The following PCDHA9 variants were observed in gnomAD, a reference collection of about 807,000 sequenced individuals.
The protein encoded by PCDHA9 is protocadherin alpha-9.
PCDHA9 carries 62 observed loss-of-function variants against 62.0 expected under a neutral mutation model. That is an observed-to-expected ratio of 1.00 (90% confidence interval 0.81 to 1.23). PCDHA9 has a LOEUF of 1.23. Ranked by LOEUF, PCDHA9 falls within the 50% of genes most tolerant of loss-of-function variation. The probability of loss-of-function intolerance (pLI) is 0.00; values close to 1 mark genes in which losing one functional copy is unlikely to be tolerated. For synonymous variants in PCDHA9, 557 were observed against 567.6 expected, an observed-to-expected ratio of 0.98 and a Z score of 0.27; for missense variants, 1,205 against 1,249.8, an observed-to-expected ratio of 0.96 and a Z score of 0.54.
At chr5:140,962,803 T>C (rs2095709614) in intron 1 of PCDHA9, among the ~76,000 whole-genome samples, 1 of 152,240 alleles carries the variant, frequency 6.6e-6, no homozygotes. Context: ...TGGACAACTC[T>C]AAACATCAGA....
At chr5:140,874,647 G>T (rs2055047919) in intron 1 of PCDHA9, among the ~76,000 whole-genome samples, 1 of 152,200 alleles carries the variant, frequency 6.6e-6, no homozygotes, top group Non-Finnish European at 1.5e-5. Context: ...ACTTTTGCTA[G>T]AGTAAAACTT....
At chr5:141,006,328 C>CA (rs1258327155) in intron 3 of PCDHA9, among the ~76,000 whole-genome samples, 12 of 152,060 alleles carry the variant, frequency 7.9e-5, no homozygotes, top group Non-Finnish European at 1.6e-4. Flanking sequence ...TCTCCTGCCT[C>CA]AGCCTCCTGA....
rs1050286921 is a variant in PCDHA9, at chr5:140,879,863, C to G, written c.2394+28974C>G. Among the ~76,000 whole-genome samples, 24 of 152,218 alleles carry G rather than the reference C, an allele frequency of 1.6e-4. 1 individual carries two copies. Among genetic ancestry groups the G allele is most frequent in the Non-Finnish European group, 5.9e-5 (4 of 68,034 alleles). Reference sequence around the variant, plus strand: ...ACCACTCCCATCTCAGCCTTCTCAGCTTTCATGGTCACATTGCCTCCTCCT... The same window carrying G: ...ACCACTCCCATCTCAGCCTTCTCAGGTTTCATGGTCACATTGCCTCCTCCT... On this transcript the variant is annotated intron_variant, in intron 1 of 3. Coordinates refer to ENST00000532602, the MANE Select transcript of PCDHA9 (RefSeq NM_031857.2).
chr5:140,870,253 G>A (rs782678686), intron 1 of PCDHA9: 2 of 1,614,196 alleles, frequency 1.2e-6, no homozygotes, highest in Non-Finnish European at 1.7e-6. Flanking sequence ...CAACGGACAG[G>A]TGACCTGCTC....
chr5:140,941,255 C>CTTTCTTTCTTTCTTTCTTTCTT (rs782490896), intron 1 of PCDHA9, among the ~76,000 whole-genome samples: 2 of 44,508 alleles, frequency 4.5e-5, no homozygotes, highest in African/African-American at 1.4e-4. Context: ...TTCTTTCTTT[C>CTTTCTTTCTTTCTTTCTTTCTT]TCTTTCTTTC....
At chr5:140,928,676 G>A in intron 1 of PCDHA9, 2 of 1,614,166 alleles carry the variant, frequency 1.2e-6, no homozygotes, top group East Asian at 2.2e-5. Context: ...TCTAATGCCT[G>A]GCTTTCCTAC....
At position 140,938,754 on chromosome 5, in the gene PCDHA9, A is replaced by G. The variant is rs79400957; in HGVS notation, c.2395-40195A>G. Among the ~76,000 whole-genome samples the G allele has an allele frequency of 2.9e-3, 442 of 152,274 alleles. 1 individual carries two copies. Among genetic ancestry groups the G allele is most frequent in the African/African-American group, 0.01 (423 of 41,554 alleles). The stretch of plus-strand genomic sequence containing the variant: ...AAAAAATAATTATTTTTAAAGGCAT[A>G]GTTATTGGGTACTAGACTTAGTACC... On this transcript the variant is annotated intron_variant, in intron 1 of 3. Transcript: ENST00000532602.
At chr5:140,936,240 CAT>C (rs1282249217) in intron 1 of PCDHA9, among the ~76,000 whole-genome samples, 3 of 152,152 alleles carry the variant, frequency 2.0e-5, no homozygotes, top group Non-Finnish European at 4.4e-5. Flanking sequence ...TTAAAGAAAA[CAT>C]ATCCTGCTTC....
chr5:140,906,786 A>G (rs1471436514), intron 1 of PCDHA9, among the ~76,000 whole-genome samples: 1 of 152,198 alleles, frequency 6.6e-6, no homozygotes, highest in Non-Finnish European at 1.5e-5. Flanking sequence ...GATCTTGTGT[A>G]TTCCATGCAT....
At chr5:140,890,890 T>C (rs2062844225) in intron 1 of PCDHA9, among the ~76,000 whole-genome samples, 1 of 152,192 alleles carries the variant, frequency 6.6e-6, no homozygotes, top group South Asian at 2.1e-4. Context: ...TCAGGGATTA[T>C]TGTCTTTCCA....
At chr5:140,857,244 C>G in intron 1 of PCDHA9, 1 of 1,598,592 alleles carries the variant, frequency 6.3e-7, no homozygotes, top group Non-Finnish European at 8.6e-7. Context: ...CTGGTGTCCA[C>G]CTACAAGAAT....
chr5:140,848,883 C>G lies in PCDHA9; in HGVS notation c.388C>G (p.Pro130Ala). The G allele has an allele frequency of 6.3e-7, 1 of 1,591,194 alleles. No homozygotes were observed. Among genetic ancestry groups the G allele is most frequent in the Non-Finnish European group, 8.6e-7 (1 of 1,162,882 alleles). Residue 130 changes from proline to alanine, a missense_variant, in exon 1 of 4, where the codon CCT (proline) becomes GCT (alanine). Physicochemically the swap from Pro to Ala is conservative, Grantham distance 27. Transcript: ENST00000532602. The stretch of plus-strand genomic sequence containing the variant: ...GGAGGTGAAGGACATTAACGACAAC[C>G]CTCCAGTGTTCCCAGCGACACAAAA... ...DVEVKDINDN[P>A]PVFPATQKNL...
intron 1 of PCDHA9, among the ~76,000 whole-genome samples, chr5:140,902,149 G>T (rs1471758440): frequency 6.8e-6 from 1 of 147,458 alleles, no homozygotes; most frequent in African/African-American, 2.5e-5. Flanking sequence ...AGGATAATTT[G>T]ATTTCTTCCT....
At chr5:140,983,822 T>C (rs1453990514) in intron 3 of PCDHA9, among the ~76,000 whole-genome samples, 2 of 152,216 alleles carry the variant, frequency 1.3e-5, no homozygotes, top group Non-Finnish European at 2.9e-5. Flanking sequence ...TTCCCAAAAA[T>C]AATCAGATGC....
chr5:140,869,517 A>AT, intron 1 of PCDHA9: 1 of 1,614,200 alleles, frequency 6.2e-7, no homozygotes, highest in East Asian at 2.2e-5. Flanking sequence ...TCAGAGAACA[A>AT]AAGCTGCTGA....
chr5:140,851,049 T>G (rs114642351), intron 1 of PCDHA9, 160 bp downstream of exon 1: 1 of 1,386,514 alleles, frequency 7.2e-7, no homozygotes, highest in African/African-American at 1.5e-5. Flanking sequence ...GAGCCGACTT[T>G]GTCTTGACTT....
intron 1 of PCDHA9, chr5:140,969,437 T>C (rs1429370144): frequency 1.8e-5 from 28 of 1,547,818 alleles, no homozygotes; most frequent in Non-Finnish European, 2.4e-5. Context: ...ACAAGAGTTA[T>C]CTGGTAAACT....
chr5:141,001,020 TATA>T (rs539315208), intron 3 of PCDHA9, among the ~76,000 whole-genome samples: 5 of 152,250 alleles, frequency 3.3e-5, no homozygotes, highest in Non-Finnish European at 5.9e-5. Context: ...GATATACACT[TATA>T]ATAATAGCTT....
intron 1 of PCDHA9, chr5:140,868,003 A>C (rs1166493353): frequency 6.6e-6 from 1 of 152,130 alleles, no homozygotes; most frequent in South Asian, 2.1e-4. Context: ...AATATAACTG[A>C]ATTAGATTAA....
Sources: gnomAD v4.1 joint callset for allele counts (sites outside exome capture counted in the v4.1 genomes callset) on GRCh38, gnomAD v4.1.1 for gene constraint, MANE v1.5 for transcripts, NCBI Gene and HGNC (gene_info 2026-07-23, HGNC 2026-07-21) for gene names.